POC1B: variants seen among roughly 807,000 people sequenced by gnomAD.
POC1B encodes POC1 centriolar protein homolog B.
In POC1B, 44 loss-of-function variants were observed where a neutral mutation model predicts 60.6. That is an observed-to-expected ratio of 0.73 (90% CI 0.57 to 0.93). The LOEUF is 0.93. Among genes scored for constraint, POC1B ranks in the 40% least tolerant of loss-of-function variants. POC1B has a pLI of 0.00. For synonymous variants in POC1B, 180 were observed against 198.9 expected (o/e 0.90, Z 0.80); for missense variants, 555 against 572.3 (o/e 0.97, Z 0.31).
chr12:89,461,397 AAAG>A (rs1201779546), intron 9 of POC1B: 1 of 152,224 alleles, frequency 6.6e-6, no homozygotes, highest in Non-Finnish European at 1.5e-5. Flanking sequence ...ACAGGGTTAG[AAAG>A]AAGATTGTCA....
chr12:89,503,378 A>G (rs1869697409), intron 2 of POC1B, among the ~76,000 whole-genome samples: 1 of 152,204 alleles, frequency 6.6e-6, no homozygotes. Context: ...CGGCCTCCCG[A>G]GGTGCCGGGA....
At chr12:89,445,941 A>C (rs1881767212) in intron 10 of POC1B, among the ~76,000 whole-genome samples, 1 of 152,266 alleles carries the variant, frequency 6.6e-6, no homozygotes, top group South Asian at 2.1e-4. Flanking sequence ...AAAATGGGCA[A>C]AGGATATAAA....
At chr12:89,416,526 A>AGT (rs1880367983), downstream of POC1B, among the ~76,000 whole-genome samples, 2 of 152,328 alleles carry the variant, frequency 1.3e-5, no homozygotes, top group African/African-American at 4.8e-5. Context: ...AGATGGTGGC[A>AGT]GTTTTAGAAC....
intron 10 of POC1B, chr12:89,426,320 G>T (rs1190637922): frequency 6.6e-6 from 1 of 152,056 alleles, no homozygotes; most frequent in Non-Finnish European, 1.5e-5. Flanking sequence ...AGTGATGATG[G>T]TTATAAAACA....
chr12:89,454,133 C>A (rs1442269545), intron 10 of POC1B, among the ~76,000 whole-genome samples: 1 of 152,158 alleles, frequency 6.6e-6, no homozygotes, highest in East Asian at 1.9e-4. Context: ...CACAGGAAAA[C>A]CACGATTCTT....
At chr12:89,472,417 T>G in intron 4 of POC1B, 142 bp from the exon 5 acceptor site, 1 of 597,594 alleles carries the variant, frequency 1.7e-6, no homozygotes, top group Admixed American at 3.4e-5. Context: ...AGTCATATTC[T>G]GCAGCCAAGA....
intron 9 of POC1B, chr12:89,460,921 G>C (rs1263193752): frequency 1.3e-5 from 2 of 152,106 alleles, no homozygotes; most frequent in Non-Finnish European, 2.9e-5. Flanking sequence ...GAAACATTAT[G>C]AATACAAAGA....
chr12:89,524,898 A>G (rs2135784195), intron 2 of POC1B: 1 of 721,482 alleles, frequency 1.4e-6, no homozygotes, highest in Non-Finnish European at 2.2e-6. Flanking sequence ...CCAGGCCCAG[A>G]CCGCTGGATA....
intron 2 of POC1B, among the ~76,000 whole-genome samples, chr12:89,498,679 C>A (rs1052703492): frequency 6.6e-6 from 1 of 152,114 alleles, no homozygotes; most frequent in African/African-American, 2.4e-5. Flanking sequence ...AGTTAATATT[C>A]CACCAGAGCT....
At chr12:89,492,262 G>A in intron 3 of POC1B, 147 bp from the exon 4 acceptor site, 2 of 583,616 alleles carry the variant, frequency 3.4e-6, no homozygotes, top group Non-Finnish European at 5.3e-6. Context: ...AAAGGGCTAT[G>A]TTGTACTGTA....
intron 5 of POC1B, 27 bp from the exon 6 acceptor site, chr12:89,471,756 A>G (rs1295049993): frequency 1.6e-6 from 2 of 1,236,062 alleles, no homozygotes; most frequent in African/African-American, 1.5e-5. Context: ...AGATGACCTA[A>G]TATTTCAATT....
chr12:89,516,136 T>C (rs993010263), intron 2 of POC1B, among the ~76,000 whole-genome samples: 1 of 152,214 alleles, frequency 6.6e-6, no homozygotes, highest in African/African-American at 2.4e-5. Flanking sequence ...CTAATGACTA[T>C]TTAATATTGT....
intron 11 of POC1B, among the ~76,000 whole-genome samples, chr12:89,422,215 G>A (rs552355326): frequency 1.3e-5 from 2 of 152,024 alleles, no homozygotes; most frequent in African/African-American, 2.4e-5. Context: ...TGCCTACCAC[G>A]ACTTCCTTGC....
At chr12:89,456,275 C>A (rs1340790220) in intron 10 of POC1B, among the ~76,000 whole-genome samples, 3 of 152,142 alleles carry the variant, frequency 2.0e-5, no homozygotes. Flanking sequence ...CCCGCCTTGG[C>A]CTTCCAAAGT....
intron 10 of POC1B, among the ~76,000 whole-genome samples, chr12:89,446,152 G>C (rs1412221067): frequency 1.3e-5 from 2 of 152,090 alleles, no homozygotes; most frequent in Non-Finnish European, 2.9e-5. Flanking sequence ...TTACACTGTT[G>C]GTGGGACTGT....
rs187846714 is a variant in POC1B at position 89,425,717 on chromosome 12, G to A, written c.1114-338C>T. On this transcript the variant is annotated intron_variant, in intron 10 of 11. Transcript: ENST00000313546. ...AAACAATATTCACATCTATTAGGGTGACTATTATCAAAAAAATGAAAAATA... is the reference window on the plus strand; with the variant it reads ...AAACAATATTCACATCTATTAGGGTAACTATTATCAAAAAAATGAAAAATA... 1.8e-3 allele frequency: 284 copies of A among 161,864 alleles called. 2 individuals carry two copies. Among genetic ancestry groups the A allele is most frequent in the Non-Finnish European group, 2.9e-3 (220 of 74,654 alleles). 10.0% of individuals were successfully genotyped at this position (161,864 alleles called of 1,614,324 possible). A position where few individuals can be genotyped will look rare whatever the true frequency, so the allele number is the denominator to read the frequency against.
intron 4 of POC1B, among the ~76,000 whole-genome samples, chr12:89,476,217 A>C (rs1418756626): frequency 7.9e-5 from 12 of 152,136 alleles, no homozygotes; most frequent in African/African-American, 2.4e-4. Context: ...CAGAATGAGG[A>C]AATTCTTGAA....
At chr12:89,502,401 A>AATCCTCCTGAT in intron 2 of POC1B, 2 of 1,525,288 alleles carry the variant, frequency 1.3e-6, no homozygotes, top group Non-Finnish European at 1.8e-6. Context: ...GGCCATCAGG[A>AATCCTCCTGAT]GGATTCGTGA....
At chr12:89,402,162 C>T in the POC1B span, among the ~76,000 whole-genome samples, 15 of 152,132 alleles carry the variant, frequency 9.9e-5, no homozygotes, top group South Asian at 2.1e-4. Context: ...CCTTCCTTCC[C>T]GTCCCTTAAA....
Sources: allele counts gnomAD v4.1 joint callset (sites outside exome capture counted in the v4.1 genomes callset), GRCh38; gene constraint gnomAD v4.1.1; transcripts MANE v1.5; gene names NCBI Gene and HGNC (gene_info 2026-07-23, HGNC 2026-07-21).